SLC31A1: variants seen among roughly 807,000 people sequenced by gnomAD.
SLC31A1 encodes high affinity copper uptake protein 1.
SLC31A1 carries 5 observed loss-of-function variants against 17.2 expected under a neutral mutation model. That is an observed-to-expected ratio of 0.29 (90% CI 0.15 to 0.61). The LOEUF (loss-of-function observed/expected upper bound fraction) is 0.61. Ranked by LOEUF, SLC31A1 falls within the 20% of genes least tolerant of loss-of-function variation. The probability of loss-of-function intolerance (pLI) is 0.86; values close to 1 mark genes in which losing one functional copy is unlikely to be tolerated. For missense variants in SLC31A1, 161 were observed against 241.4 expected (o/e 0.67, Z 2.21); for synonymous variants, 76 against 78.8 (o/e 0.96, Z 0.19).
At chr9:113,221,728 C>T (rs189925960) in intron 1 of SLC31A1, 50 bp downstream of exon 1, 43 of 230,628 alleles carry the variant, frequency 1.9e-4, no homozygotes, top group African/African-American at 8.9e-4. Context: ...TGGGTACCGT[C>T]CTTTTCCCAG....
At chr9:113,244,819 A>C (rs770950038) in intron 1 of SLC31A1, among the ~76,000 whole-genome samples, 2 of 152,210 alleles carry the variant, frequency 1.3e-5, no homozygotes, top group African/African-American at 2.4e-5. Context: ...TATCCTTGTA[A>C]GACTACAGTT....
chr9:113,260,612 C>CACACACAT lies in SLC31A1; in HGVS notation c.*139_*140insACACACAT. On this transcript the variant is annotated 3_prime_UTR_variant, in exon 5 of 5. Coordinates refer to ENST00000374212, the MANE Select transcript of SLC31A1 (RefSeq NM_001859.4). ...ACACACACACACACACACACACACA[C>CACACACAT]CCCTGCTCAACAGAGGTTTAGTTTA... The CACACACAT allele has an allele frequency of 2.7e-6, 2 of 731,728 alleles. No individual in the cohort carries two copies. The highest frequency in any genetic ancestry group is 4.8e-6 in the Non-Finnish European group (2 of 417,156). 45.3% of individuals were successfully genotyped at this position (731,728 alleles called of 1,614,324 possible).
intron 1 of SLC31A1, among the ~76,000 whole-genome samples, chr9:113,253,071 A>G (rs962579443): frequency 1.4e-5 from 2 of 147,340 alleles, no homozygotes; most frequent in East Asian, 4.0e-4. Context: ...CTCCTACCTC[A>G]GCCTCCAGAG....
At chr9:113,249,963 C>A (rs1831628209) in intron 1 of SLC31A1, among the ~76,000 whole-genome samples, 1 of 152,080 alleles carries the variant, frequency 6.6e-6, no homozygotes. Flanking sequence ...AAATGCAAAT[C>A]AAAACCACAG....
chr9:113,239,064 A>G (rs981734790), intron 1 of SLC31A1, among the ~76,000 whole-genome samples: 1 of 152,132 alleles, frequency 6.6e-6, no homozygotes, highest in African/African-American at 2.4e-5. Flanking sequence ...AGCAATCTCT[A>G]TGCGTAGGAC....
At chr9:113,244,821 A>G (rs1831559502) in intron 1 of SLC31A1, among the ~76,000 whole-genome samples, 1 of 152,224 alleles carries the variant, frequency 6.6e-6, no homozygotes, top group Non-Finnish European at 1.5e-5. Flanking sequence ...TCCTTGTAAG[A>G]CTACAGTTGT....
intron 1 of SLC31A1, among the ~76,000 whole-genome samples, chr9:113,221,961 G>A (rs1206015073): frequency 6.6e-6 from 1 of 152,192 alleles, no homozygotes; most frequent in African/African-American, 2.4e-5. Context: ...AGAGCTCAGA[G>A]GCCATGGATT....
In SLC31A1 at chr9:113,256,152, G is replaced by A; in HGVS notation, c.4G>A (p.Asp2Asn). The change falls in exon 2 of 5, where the codon GAT (aspartate) becomes AAT (asparagine). Residue 2 changes from aspartate (D) to asparagine (N), a missense_variant. Physicochemically the swap from Asp to Asn is conservative, Grantham distance 23 (BLOSUM62 1). Coordinates refer to ENST00000374212, the MANE Select transcript of SLC31A1 (RefSeq NM_001859.4). MDHSHHMGMSYM... is the reference protein window; with the variant it reads MNHSHHMGMSYM... ...CTCTCAACTTTTCCTGGAAAAAATGGATCATTCCCACCATATGGGGATGAG... is the reference window on the plus strand; with the variant it reads ...CTCTCAACTTTTCCTGGAAAAAATGAATCATTCCCACCATATGGGGATGAG... 1.2e-6 allele frequency: 2 copies of A among 1,611,820 alleles called. No homozygotes were observed. Among genetic ancestry groups the A allele is most frequent in the Non-Finnish European group, 1.7e-6 (2 of 1,179,840 alleles).
chr9:113,238,634 C>T (rs982489154), intron 1 of SLC31A1, among the ~76,000 whole-genome samples: 8 of 152,254 alleles, frequency 5.3e-5, no homozygotes, highest in East Asian at 1.9e-4. Context: ...TGGTGGCACA[C>T]GCCTGTAATC....
intron 1 of SLC31A1, among the ~76,000 whole-genome samples, chr9:113,230,121 G>A (rs1265077993): frequency 1.3e-5 from 2 of 152,188 alleles, no homozygotes; most frequent in African/African-American, 4.8e-5. Context: ...GCCTCTGTCT[G>A]TGTTTTACTG....
rs974418661 is a variant in SLC31A1, at chr9:113,237,424, G to GT, written c.-36+15756dup. On this transcript the variant is annotated intron_variant, in intron 1 of 4. Coordinates refer to ENST00000374212, the MANE Select transcript of SLC31A1 (RefSeq NM_001859.4). ...TGTGCCTCAACAGGAATAGGTCTAC[G>GT]TTTTTTTTTTCCAAGCCTCTCTCAA... Among the ~76,000 whole-genome samples the GT allele has an allele frequency of 1.1e-3, 170 of 149,594 alleles. 1 individual carries two copies. The highest frequency in any genetic ancestry group is 3.4e-3 in the African/African-American group (138 of 40,842).
chr9:113,237,573 C>T (rs537549098), intron 1 of SLC31A1, among the ~76,000 whole-genome samples: 1 of 152,200 alleles, frequency 6.6e-6, no homozygotes, highest in South Asian at 2.1e-4. Flanking sequence ...GACCATGCTA[C>T]GAATAATGAA....
chr9:113,243,657 T>C (rs918587847), intron 1 of SLC31A1, among the ~76,000 whole-genome samples: 1 of 152,192 alleles, frequency 6.6e-6, no homozygotes, highest in African/African-American at 2.4e-5. Context: ...AGTGATCCTC[T>C]GAGTAGTTGG....
intron 1 of SLC31A1, among the ~76,000 whole-genome samples, chr9:113,252,233 A>G (rs1448154092): frequency 6.6e-6 from 1 of 152,198 alleles, no homozygotes; most frequent in Non-Finnish European, 1.5e-5. Flanking sequence ...GGTAATAATT[A>G]ATGTTATAAA....
intron 1 of SLC31A1, among the ~76,000 whole-genome samples, chr9:113,251,132 T>C (rs895571356): frequency 1.3e-5 from 2 of 152,118 alleles, no homozygotes; most frequent in Non-Finnish European, 2.9e-5. Flanking sequence ...ACAAATAATT[T>C]GTAAATTTGG....
chr9:113,242,983 G>C (rs997464796), intron 1 of SLC31A1, among the ~76,000 whole-genome samples: 1 of 151,712 alleles, frequency 6.6e-6, no homozygotes, highest in Admixed American at 6.6e-5. Flanking sequence ...AATTTGGCGA[G>C]AAAATGTAAA....
intron 1 of SLC31A1, among the ~76,000 whole-genome samples, chr9:113,227,928 A>G (rs1056244360): frequency 6.6e-6 from 1 of 152,248 alleles, no homozygotes; most frequent in East Asian, 1.9e-4. Flanking sequence ...AGTGAGCCTT[A>G]TGTGTGACTT....
At chr9:113,253,780 G>A (rs1259508540) in intron 1 of SLC31A1, among the ~76,000 whole-genome samples, 1 of 151,822 alleles carries the variant, frequency 6.6e-6, no homozygotes, top group African/African-American at 2.4e-5. Context: ...ATAAAATAAT[G>A]TAGTGTCTGG....
chr9:113,243,364 T>G (rs1192948008), intron 1 of SLC31A1, among the ~76,000 whole-genome samples: 2 of 152,208 alleles, frequency 1.3e-5, no homozygotes, highest in African/African-American at 2.4e-5. Flanking sequence ...TGTTTTCTCT[T>G]GCAAATAATA....
Sources: gnomAD v4.1 joint callset for allele counts (sites outside exome capture counted in the v4.1 genomes callset) on GRCh38, gnomAD v4.1.1 for gene constraint, MANE v1.5 for transcripts, NCBI Gene and HGNC (gene_info 2026-07-23, HGNC 2026-07-21) for gene names.